Variants in SLC36A4 observed in about 807,000 individuals in gnomAD.
SLC36A4 encodes the protein neutral amino acid uniporter 4.
A neutral mutation model predicts 50.5 loss-of-function variants in SLC36A4; 49 were observed. The observed-to-expected ratio is 0.97, with a 90% confidence interval of 0.77 to 1.23. SLC36A4 has a LOEUF of 1.23. Ranked by LOEUF, SLC36A4 falls within the 50% of genes most tolerant of loss-of-function variation. SLC36A4 has a pLI of 0.00. For missense variants in SLC36A4, 611 were observed against 608.4 expected (o/e 1.00, Z -0.05); for synonymous variants, 207 against 206.5 (o/e 1.00, Z -0.02).
intron 4 of SLC36A4, chr11:93,182,376 G>T: frequency 7.7e-6 from 2 of 260,598 alleles, no homozygotes; most frequent in Non-Finnish European, 1.2e-5. Flanking sequence ...CTACTGTCCA[G>T]TAGAAGTATT....
intron 8 of SLC36A4, among the ~76,000 whole-genome samples, chr11:93,163,914 C>T (rs1860747466): frequency 6.6e-6 from 1 of 152,030 alleles, no homozygotes; most frequent in Non-Finnish European, 1.5e-5. Context: ...TAAATTCCAT[C>T]AGGTTGGCTT....
chr11:93,191,889 C>A (rs1862231507), intron 1 of SLC36A4, among the ~76,000 whole-genome samples: 1 of 80,890 alleles, frequency 1.2e-5, no homozygotes, highest in South Asian at 4.7e-4. Context: ...CACTAATATC[C>A]ACTAATAGTC....
chr11:93,185,620 G>C, intron 2 of SLC36A4, 71 bp downstream of exon 2: 1 of 1,353,890 alleles, frequency 7.4e-7, no homozygotes, highest in Non-Finnish European at 1.0e-6. Flanking sequence ...AGAATGTCTT[G>C]CCTGTAGAAG....
chr11:93,159,571 T>G (rs1306891809), intron 9 of SLC36A4, among the ~76,000 whole-genome samples: 3 of 152,196 alleles, frequency 2.0e-5, no homozygotes, highest in Non-Finnish European at 2.9e-5. Flanking sequence ...GAGAACTATC[T>G]GCAATCCTTG....
chr11:93,168,889 C>T (rs940950061), intron 6 of SLC36A4, among the ~76,000 whole-genome samples: 2 of 152,018 alleles, frequency 1.3e-5, no homozygotes, highest in East Asian at 1.9e-4. Context: ...ATATGATTTA[C>T]AGTCTCCATA....
rs931097137 is a variant in SLC36A4 at position 93,177,222 on chromosome 11, T to C, written c.540+3575A>G. 2.0e-5 allele frequency among the ~76,000 whole-genome samples: 3 copies of C among 152,338 alleles called. No homozygotes were observed. In the East Asian group the frequency reaches 5.8e-4, roughly 29 times the overall value. On this transcript the variant is annotated intron_variant, in intron 6 of 10. Transcript: ENST00000326402. ...TTGATCTTCAATCACTGATACCCTTTCTTCCACTTGATTGAATCAGCTACT... is the reference window on the plus strand; with the variant it reads ...TTGATCTTCAATCACTGATACCCTTCCTTCCACTTGATTGAATCAGCTACT...
chr11:93,159,943 C>A (rs1860543202), intron 9 of SLC36A4: 2 of 985,314 alleles, frequency 2.0e-6, no homozygotes, highest in South Asian at 9.4e-5. Flanking sequence ...CTAGGATACT[C>A]TTGTAACAGT....
At position 93,167,949 on chromosome 11, in the gene SLC36A4, C is replaced by T; in HGVS notation, c.763G>A (p.Val255Ile). Residue 255 changes from valine (V) to isoleucine (I), a missense_variant, in exon 7 of 11, where the codon GTC (valine) becomes ATC (isoleucine). Transcript: ENST00000326402. The part of the protein sequence containing the change: ...VSLVIIYQYV[V>I]RNMPDPHNLP... ...TAAAAACTTTTTATACTTACCCTGA[C>T]AACATACTGGTAAATTATCACAAGA... 13 of 1,600,218 alleles carry T rather than the reference C, an allele frequency of 8.1e-6. No homozygotes were observed. The highest frequency in any genetic ancestry group is 1.1e-5 in the Non-Finnish European group (13 of 1,173,986).
intron 6 of SLC36A4, among the ~76,000 whole-genome samples, chr11:93,177,775 T>C (rs1163709128): frequency 6.6e-6 from 1 of 152,210 alleles, no homozygotes; most frequent in African/African-American, 2.4e-5. Flanking sequence ...AGATATCAGT[T>C]GGCCCCTACT....
Position 93,184,481 on chromosome 11 carries a change from A to G in SLC36A4, c.219T>C (p.Ile73=). Residue 73 remains isoleucine (I), a synonymous_variant, in exon 3 of 11, where the codon ATT becomes ATC. Transcript: ENST00000326402. The stretch of plus-strand genomic sequence containing the variant: ...ATGGAAGTCCTAAAAGGCCAGTTCC[A>G]ATATTTCCTTTAAGAAGGTGCATAA... The part of the protein sequence containing the change: ...QTLMHLLKGN[I]GTGLLGLPLA... 2 of 1,612,164 alleles carry G rather than the reference A, an allele frequency of 1.2e-6. No homozygotes were observed. The highest frequency in any genetic ancestry group is 1.1e-5 in the South Asian group (1 of 90,998).
At chr11:93,191,494 C>T (rs1426258364) in intron 1 of SLC36A4, among the ~76,000 whole-genome samples, 1 of 152,154 alleles carries the variant, frequency 6.6e-6, no homozygotes, top group African/African-American at 2.4e-5. Context: ...AGGTTTCTGG[C>T]TCAGATTCAA....
intron 8 of SLC36A4, among the ~76,000 whole-genome samples, chr11:93,163,225 G>T (rs895538116): frequency 4.2e-4 from 64 of 152,058 alleles, no homozygotes; most frequent in African/African-American, 1.4e-3. Flanking sequence ...TTTATATTAC[G>T]ATAGTACATT....
intron 5 of SLC36A4, among the ~76,000 whole-genome samples, chr11:93,181,110 A>G (rs1861712826): frequency 6.6e-6 from 1 of 152,024 alleles, no homozygotes; most frequent in African/African-American, 2.4e-5. Context: ...TTTAATTCCC[A>G]TCTCACATGT....
intron 1 of SLC36A4, among the ~76,000 whole-genome samples, chr11:93,193,467 T>G (rs1000664362): frequency 7.9e-5 from 12 of 152,200 alleles, no homozygotes; most frequent in African/African-American, 2.7e-4. Flanking sequence ...AAATTAATGA[T>G]GCCTTATAAA....
At chr11:93,151,111 T>G (rs1191260540) in intron 10 of SLC36A4, among the ~76,000 whole-genome samples, 3 of 151,992 alleles carry the variant, frequency 2.0e-5, no homozygotes, top group Non-Finnish European at 4.4e-5. Flanking sequence ...TATTTGCTTG[T>G]AAAAATGGTT....
At chr11:93,189,577 T>C (rs1221430100) in intron 1 of SLC36A4, among the ~76,000 whole-genome samples, 1 of 152,208 alleles carries the variant, frequency 6.6e-6, no homozygotes, top group Non-Finnish European at 1.5e-5. Flanking sequence ...CTAGAGTTCA[T>C]TTGCTTTTAT....
Position 93,181,793 on chromosome 11 carries a change from T to C in SLC36A4, c.360-7A>G, listed in dbSNP as rs200000499. 13 of 1,554,698 alleles carry C rather than the reference T, an allele frequency of 8.4e-6. No homozygotes were observed. The East Asian group carries it at 2.7e-4, about 33-fold the overall frequency. On this transcript the variant is annotated splice_polypyrimidine_tract_variant and splice_region_variant and intron_variant, in intron 4 of 10. Transcript: ENST00000326402. ...TAATGTTGACTTTTTAAACCTGTAA[T>C]TTAATGACATACATACAAAGGAAAA... is the stretch of plus-strand genomic sequence containing the variant.
intron 8 of SLC36A4, among the ~76,000 whole-genome samples, chr11:93,165,021 C>G (rs1860798437): frequency 6.6e-6 from 1 of 152,092 alleles, no homozygotes; most frequent in Non-Finnish European, 1.5e-5. Context: ...TAAAGACAAA[C>G]ATGAAAATCT....
rs1179347932 is a variant in SLC36A4 at position 93,166,033 on chromosome 11, A to G, written c.769-17T>C. 1 of 1,554,520 alleles carries G rather than the reference A, an allele frequency of 6.4e-7. No individual in the cohort carries two copies. The highest frequency in any genetic ancestry group is 1.2e-5 in the South Asian group (1 of 84,322). ...TGGCATGTTCTAAAGAAAGGAAGAAAAAAAGAAGACCAGTTACATCTTTAC... is the reference window on the plus strand; with the variant it reads ...TGGCATGTTCTAAAGAAAGGAAGAAGAAAAGAAGACCAGTTACATCTTTAC... On this transcript the variant is annotated splice_polypyrimidine_tract_variant and intron_variant, in intron 7 of 10. Transcript: ENST00000326402.
Sources: allele counts gnomAD v4.1 joint callset (sites outside exome capture counted in the v4.1 genomes callset), GRCh38; gene constraint gnomAD v4.1.1; transcripts MANE v1.5; gene names NCBI Gene and HGNC (gene_info 2026-07-23, HGNC 2026-07-21).